Variants in MICU1 observed in about 807,000 individuals in gnomAD.
The protein encoded by MICU1 is calcium uptake protein 1, mitochondrial.
Under a neutral mutation model 56.8 loss-of-function variants are expected in MICU1, and 45 were observed. The observed-to-expected ratio is 0.79, with a 90% CI of 0.62 to 1.02. MICU1 has a LOEUF of 1.02. Among genes scored for constraint, MICU1 ranks in the 50% least tolerant of loss-of-function variants. The probability of loss-of-function intolerance (pLI) is 0.00; values close to 1 mark genes in which losing one functional copy is unlikely to be tolerated. For synonymous variants in MICU1, 186 were observed against 195.1 expected (o/e 0.95, Z 0.39); for missense variants, 504 against 587.1 (o/e 0.86, Z 1.46).
intron 9 of MICU1, among the ~76,000 whole-genome samples, chr10:72,413,191 T>C (rs1011039781): frequency 1.3e-5 from 2 of 151,570 alleles, no homozygotes; most frequent in African/African-American, 2.4e-5. Context: ...TGAAACTCTG[T>C]CTCAAAAAAA....
intron 10 of MICU1, among the ~76,000 whole-genome samples, chr10:72,384,047 G>A (rs1376513542): frequency 1.3e-5 from 2 of 152,114 alleles, no homozygotes; most frequent in Non-Finnish European, 2.9e-5. Context: ...AGGCTGGAGT[G>A]CAGTAGTGAG....
chr10:72,583,425 T>C (rs1053352068), intron 1 of MICU1, among the ~76,000 whole-genome samples: 3 of 152,094 alleles, frequency 2.0e-5, no homozygotes, highest in Non-Finnish European at 2.9e-5. Flanking sequence ...GGACTACAGC[T>C]GTGTACCACC....
intron 8 of MICU1, among the ~76,000 whole-genome samples, chr10:72,469,290 T>C (rs1222332177): frequency 6.6e-6 from 1 of 152,142 alleles, no homozygotes; most frequent in Non-Finnish European, 1.5e-5. Context: ...AATGGAACAA[T>C]AAATCTCCTG....
intron 3 of MICU1, among the ~76,000 whole-genome samples, chr10:72,553,606 G>T (rs974260021): frequency 6.6e-6 from 1 of 152,006 alleles, no homozygotes; most frequent in African/African-American, 2.4e-5. Context: ...GAAACCATTC[G>T]GAATGTTTGG....
chr10:72,441,802 G>A (rs976165517), intron 8 of MICU1, among the ~76,000 whole-genome samples: 6 of 151,666 alleles, frequency 4.0e-5, no homozygotes, highest in Non-Finnish European at 8.8e-5. Flanking sequence ...ATTTTTAGTA[G>A]AGATGCGGTT....
At chr10:72,597,211 C>T (rs142216956) in intron 1 of MICU1, among the ~76,000 whole-genome samples, 19 of 152,246 alleles carry the variant, frequency 1.2e-4, no homozygotes, top group African/African-American at 4.3e-4. Context: ...TTTCATATTC[C>T]TTGAGGAATA....
intron 1 of MICU1, among the ~76,000 whole-genome samples, chr10:72,607,208 G>T (rs2132558790): frequency 6.6e-6 from 1 of 151,978 alleles, no homozygotes; most frequent in East Asian, 1.9e-4. Context: ...GGGCGTCATG[G>T]CGCAAACCTG....
chr10:72,440,155 C>G (rs963339348), intron 8 of MICU1, among the ~76,000 whole-genome samples: 3 of 152,130 alleles, frequency 2.0e-5, no homozygotes, highest in Non-Finnish European at 2.9e-5. Flanking sequence ...AACTATACTA[C>G]AAGGCTACAG....
chr10:72,500,284 A>ATTTT (rs1395283342), intron 6 of MICU1, among the ~76,000 whole-genome samples: 3 of 8,160 alleles, frequency 3.7e-4, no homozygotes, highest in African/African-American at 5.9e-4. Context: ...ATATATATAT[A>ATTTT]TATATATATA....
intron 1 of MICU1, among the ~76,000 whole-genome samples, chr10:72,590,592 C>CTT (rs1453676357): frequency 6.6e-6 from 1 of 151,936 alleles, no homozygotes; most frequent in Non-Finnish European, 1.5e-5. Flanking sequence ...GGGCGGATCA[C>CTT]GAGGTCAGGA....
intron 9 of MICU1, 94 bp downstream of exon 9, chr10:72,423,140 T>A: frequency 6.7e-7 from 1 of 1,484,574 alleles, no homozygotes; most frequent in East Asian, 2.3e-5. Flanking sequence ...CATTGGTTCA[T>A]GAAATACTCT....
At chr10:72,489,461 C>T (rs1174349537) in intron 6 of MICU1, among the ~76,000 whole-genome samples, 1 of 152,058 alleles carries the variant, frequency 6.6e-6, no homozygotes, top group Non-Finnish European at 1.5e-5. Context: ...AATGGTAGAG[C>T]TGGGATATGA....
At chr10:72,525,032 T>A (rs534868310) in intron 5 of MICU1, among the ~76,000 whole-genome samples, 5 of 152,220 alleles carry the variant, frequency 3.3e-5, no homozygotes, top group East Asian at 3.9e-4. Flanking sequence ...ATATAGGCAA[T>A]CAAATATGGA....
intron 8 of MICU1, among the ~76,000 whole-genome samples, chr10:72,472,277 T>C (rs530570876): frequency 2.0e-5 from 3 of 152,308 alleles, no homozygotes; most frequent in Admixed American, 6.5e-5. Flanking sequence ...CTAACTAGAA[T>C]ATTTAGAAAC....
chr10:72,431,485 G>A (rs997655702), intron 8 of MICU1, among the ~76,000 whole-genome samples: 2 of 152,046 alleles, frequency 1.3e-5, no homozygotes, highest in African/African-American at 4.8e-5. Flanking sequence ...ATTATTGTCA[G>A]TTTTTTGCTA....
intron 1 of MICU1, among the ~76,000 whole-genome samples, chr10:72,600,579 G>T (rs1316707463): frequency 2.0e-5 from 3 of 149,886 alleles, no homozygotes; most frequent in Admixed American, 6.7e-5. Context: ...AACCCAGGAG[G>T]TGGAGGTTTC....
intron 10 of MICU1, chr10:72,379,546 A>C (rs1461584591): frequency 7.0e-6 from 3 of 430,692 alleles, no homozygotes; most frequent in African/African-American, 2.0e-5. Flanking sequence ...TTGATATTTC[A>C]AGTACTCATC....
At chr10:72,493,508 A>G (rs1357698934) in intron 6 of MICU1, among the ~76,000 whole-genome samples, 1 of 152,190 alleles carries the variant, frequency 6.6e-6, no homozygotes, top group East Asian at 1.9e-4. Context: ...GATGGAGTGC[A>G]GTAGCACAAT....
intron 11 of MICU1, among the ~76,000 whole-genome samples, chr10:72,369,966 C>CA (rs71018275): frequency 1 from 152,059 of 152,068 alleles, 76,025 homozygotes; most frequent in Middle Eastern, 1. Context: ...CTGCAAGTAC[C>CA]CCTCCAGGTT....
Sources: allele counts gnomAD v4.1 joint callset (sites outside exome capture counted in the v4.1 genomes callset), GRCh38; gene constraint gnomAD v4.1.1; transcripts MANE v1.5; gene names NCBI Gene and HGNC (gene_info 2026-07-23, HGNC 2026-07-21).